Variants in NFRKB observed in about 807,000 individuals in gnomAD.
NFRKB encodes nuclear factor related to kappa-B-binding protein.
In NFRKB, 62 loss-of-function variants were observed where a neutral mutation model predicts 135.7. The ratio of observed to expected loss-of-function variants is 0.46; its 90% confidence interval spans 0.37 to 0.56. The LOEUF is 0.56. Ranked by LOEUF, NFRKB falls within the 20% of genes least tolerant of loss-of-function variation. The probability of loss-of-function intolerance (pLI) is 0.00; values close to 1 mark genes in which losing one functional copy is unlikely to be tolerated. For missense variants in NFRKB, 1,545 were observed against 1,662.0 expected (o/e 0.93, Z 1.22); for synonymous variants, 678 against 635.6 (o/e 1.07, Z -1.00).
rs774877951 is a variant in NFRKB at position 129,886,422 on chromosome 11, C to T, written c.360G>A (p.Val120=). Residue 120 remains valine (V), a synonymous_variant, in exon 5 of 27, where the codon GTG becomes GTA. Transcript: ENST00000682444. ...LFRDGHFNPE[V]VKYRQLCFKS... ...TGAAGCATAACTGCCGGTACTTGAC[C>T]ACCTCGGGGTTAAAGTGTCCGTCTT... 54 of 1,613,810 alleles carry T rather than the reference C, an allele frequency of 3.3e-5. No individual in the cohort carries two copies. The East Asian group carries it at 1.1e-3, about 33-fold the overall frequency.
chr11:129,881,594 A>G (rs992161433), intron 12 of NFRKB, 86 bp from the exon 13 acceptor site: 6 of 1,597,846 alleles, frequency 3.8e-6, no homozygotes, highest in South Asian at 3.3e-5. Flanking sequence ...AATGTATTAG[A>G]AAAGCAGGAA....
Position 129,876,905 on chromosome 11 carries a change from G to C in NFRKB, c.1573-10C>G. On this transcript the variant is annotated splice_polypyrimidine_tract_variant and intron_variant, in intron 16 of 26. Coordinates refer to ENST00000682444, the MANE Select transcript of NFRKB (RefSeq NM_001143835.2). ...TATACCTGTAACGCTCCTACCAAGAGACAAGGGACAAGAGTTCTAGGTCAG... is the reference window on the plus strand; with the variant it reads ...TATACCTGTAACGCTCCTACCAAGACACAAGGGACAAGAGTTCTAGGTCAG... The C allele has an allele frequency of 6.2e-7, 1 of 1,611,878 alleles. No individual in the cohort carries two copies. Among genetic ancestry groups the C allele is most frequent in the Non-Finnish European group, 8.5e-7 (1 of 1,178,882 alleles).
intron 3 of NFRKB, 29 bp downstream of exon 3, chr11:129,892,686 G>C (rs750275924): frequency 3.0e-5 from 48 of 1,608,210 alleles, no homozygotes; most frequent in Non-Finnish European, 3.7e-5. Flanking sequence ...TGACAGAGAG[G>C]AAAAGGTCAC....
chr11:129,876,986 C>T, intron 16 of NFRKB, 91 bp from the exon 17 acceptor site: 1 of 1,211,360 alleles, frequency 8.3e-7, no homozygotes. Context: ...CCACATGGAA[C>T]AATTAAAACA....
chr11:129,878,414 A>G, intron 14 of NFRKB, 50 bp downstream of exon 14: 1 of 1,612,674 alleles, frequency 6.2e-7, no homozygotes, highest in Non-Finnish European at 8.5e-7. Context: ...CAAACTTAAG[A>G]GCTCTGGAAA....
Position 129,865,056 on chromosome 11 carries a change from T to A in NFRKB, c.3684A>T (p.Ala1228=). Residue 1228 remains alanine, a synonymous_variant, in exon 26 of 27, where the codon GCA becomes GCT. Transcript: ENST00000682444. The part of the protein sequence containing the change: ...GRNIILTTMP[A]GTKLIAGNKP... ...TATTGCCAGCAATGAGCTTAGTGCC[T>A]GCTGGCATAGTTGTGAGGATGATGT... 4 of 1,612,516 alleles carry A rather than the reference T, an allele frequency of 2.5e-6. No individual in the cohort carries two copies. The South Asian group carries it at 4.4e-5, about 18-fold the overall frequency.
chr11:129,870,099 T>C lies in NFRKB; in HGVS notation c.2926A>G (p.Met976Val), dbSNP rs1386642436. Residue 976 changes from methionine to valine, a missense_variant, in exon 24 of 27, where the codon ATG becomes GTG. Physicochemically the swap from Met to Val is conservative, Grantham distance 21. This residue lies in a region of NFRKB where 753 missense variants were observed against 804.3 expected (regional missense o/e 0.94). Coordinates refer to ENST00000682444, the MANE Select transcript of NFRKB (RefSeq NM_001143835.2). ...TGGGACTTGGCCAATGTGGCCATCA[T>C]GTCCGGAGTGATTCGCAGAACCGTC... ...GQTVLRITPDMMATLAKSQVT... is the reference protein window; with the variant it reads ...GQTVLRITPDVMATLAKSQVT... 2 of 1,614,256 alleles carry C rather than the reference T, an allele frequency of 1.2e-6. No individual in the cohort carries two copies. The highest frequency in any genetic ancestry group is 1.1e-5 in the South Asian group (1 of 91,088).
intron 8 of NFRKB, among the ~76,000 whole-genome samples, 166 bp downstream of exon 8, chr11:129,883,904 C>T (rs539684417): frequency 9.8e-5 from 15 of 152,302 alleles, no homozygotes; most frequent in East Asian, 3.9e-4. Flanking sequence ...TCAAAGCCAC[C>T]GTGCCTCACA....
intron 15 of NFRKB, 149 bp downstream of exon 15, chr11:129,878,160 G>C: frequency 1.3e-6 from 1 of 748,828 alleles, no homozygotes; most frequent in Non-Finnish European, 2.2e-6. Context: ...CACTCAGGGG[G>C]TGCGGCCAAG....
chr11:129,888,857 C>G, intron 3 of NFRKB, 62 bp from the exon 4 acceptor site: 2 of 1,225,290 alleles, frequency 1.6e-6, no homozygotes, highest in Non-Finnish European at 2.3e-6. Context: ...TGTATGTATG[C>G]GTATACAAAA....
chr11:129,884,078 G>A lies in NFRKB; in HGVS notation c.808C>T (p.His270Tyr). The A allele has an allele frequency of 6.2e-7, 1 of 1,614,202 alleles. No individual in the cohort carries two copies. The highest frequency in any genetic ancestry group is 8.5e-7 in the Non-Finnish European group (1 of 1,180,022). ...CGCCCTTCCCATCTTACTGGCTGATGTTTCCGCTTCTCGTGGTGCTTCTTT... is the reference window on the plus strand; with the variant it reads ...CGCCCTTCCCATCTTACTGGCTGATATTTCCGCTTCTCGTGGTGCTTCTTT... Reference protein sequence around the residue: ...MLKKHHEKRKHQPDHPDLLTG... With the variant: ...MLKKHHEKRKYQPDHPDLLTG... Residue 270 changes from histidine (H) to tyrosine (Y), a missense_variant, in exon 8 of 27, where the codon CAT becomes TAT. His to Tyr is a moderately conservative substitution (Grantham distance 83). Transcript: ENST00000682444.
chr11:129,883,112 A>G lies in NFRKB; in HGVS notation c.901+10T>C, dbSNP rs1293298397. ...CAGATGAAGGCTCCTAGAGGGGCCC[A>G]GTCATTTACCTGCCAGAGAGCCCTT... On this transcript the variant is annotated intron_variant, in intron 9 of 26. Coordinates refer to ENST00000682444, the MANE Select transcript of NFRKB (RefSeq NM_001143835.2). 6.2e-7 allele frequency: 1 copy of G among 1,613,584 alleles called. No homozygotes were observed.
At chr11:129,893,056 T>C in intron 2 of NFRKB, 186 bp from the exon 3 acceptor site, 1 of 1,433,082 alleles carries the variant, frequency 7.0e-7, no homozygotes, top group South Asian at 1.5e-5. Flanking sequence ...AATTTTCAAG[T>C]CTTACCTGGA....
At chr11:129,884,035 G>C in intron 8 of NFRKB, 35 bp downstream of exon 8, 1 of 1,611,892 alleles carries the variant, frequency 6.2e-7, no homozygotes, top group Non-Finnish European at 8.5e-7. Flanking sequence ...ACATCAGGCT[G>C]AAAACCACAC....
At chr11:129,894,656 C>G (rs1394647089) in intron 1 of NFRKB, among the ~76,000 whole-genome samples, 3 of 152,192 alleles carry the variant, frequency 2.0e-5, no homozygotes, top group Non-Finnish European at 2.9e-5. Flanking sequence ...CGTGGGTGGT[C>G]CCCAAGCAAC....
intron 17 of NFRKB, among the ~76,000 whole-genome samples, chr11:129,876,353 A>G (rs1170035629): frequency 2.0e-5 from 3 of 152,202 alleles, no homozygotes; most frequent in Non-Finnish European, 4.4e-5. Flanking sequence ...ATTTAAAAGC[A>G]TAACTCTGAG....
In NFRKB at chr11:129,892,815, A is replaced by G. The variant is rs1199932279; in HGVS notation, c.35T>C (p.Leu12Pro). The G allele has an allele frequency of 6.2e-7, 1 of 1,614,234 alleles. No homozygotes were observed. Among genetic ancestry groups the G allele is most frequent in the Admixed American group, 1.7e-5 (1 of 60,036 alleles). Residue 12 changes from leucine (L) to proline (P), a missense_variant, in exon 3 of 27, where the codon CTG becomes CCG. This residue lies in a region of NFRKB where 678 missense variants were observed against 646.7 expected (regional missense o/e 1.05). Transcript: ENST00000682444. ...DSLDHMLTDP[L>P]ELGPCGDGHG... ...GCCATCTCCACACGGACCAAGTTCC[A>G]GAGGATCTGTCAGCATATGGTCTAA...
At chr11:129,872,559 C>T in intron 23 of NFRKB, 1 of 202,424 alleles carries the variant, frequency 4.9e-6, no homozygotes, top group African/African-American at 2.3e-5. Flanking sequence ...ATTCTACTTT[C>T]ACGAGTGGTA....
Position 129,873,116 on chromosome 11 carries a change from CAA to C in NFRKB, c.2551-22_2551-21del. ...TACTGTCTAGTTGAGGGCATGAGGC[CAA>C]GAGCTTAATTAGACTCTAAGATGCA... On this transcript the variant is annotated intron_variant, in intron 22 of 26. Coordinates refer to ENST00000682444, the MANE Select transcript of NFRKB (RefSeq NM_001143835.2). The C allele has an allele frequency of 6.4e-7, 1 of 1,562,762 alleles. No homozygotes were observed. The highest frequency in any genetic ancestry group is 1.2e-5 in the South Asian group (1 of 86,016).
Sources: allele counts gnomAD v4.1 joint callset (sites outside exome capture counted in the v4.1 genomes callset), GRCh38; gene constraint gnomAD v4.1.1; regional missense constraint gnomAD v4.1.1; transcripts MANE v1.5; gene names NCBI Gene and HGNC (gene_info 2026-07-23, HGNC 2026-07-21).